Variants in SPMIP11 observed in about 807,000 individuals in gnomAD.
The protein encoded by SPMIP11 is long intergenic non-protein coding RNA 935.
chr12:48,757,448 C>G, the SPMIP11 span, among the ~76,000 whole-genome samples: 3 of 151,174 alleles, frequency 2.0e-5, no homozygotes, highest in Non-Finnish European at 4.4e-5. Context: ...GAGTTGGAGA[C>G]CAGCCTGGCC....
At chr12:48,740,231 C>A in the SPMIP11 span, among the ~76,000 whole-genome samples, 1 of 152,192 alleles carries the variant, frequency 6.6e-6, no homozygotes, top group Non-Finnish European at 1.5e-5. Flanking sequence ...AATTTCTCTA[C>A]ACCCTTTACC....
the SPMIP11 span, among the ~76,000 whole-genome samples, chr12:48,755,587 G>T: frequency 6.6e-6 from 1 of 152,182 alleles, no homozygotes; most frequent in Non-Finnish European, 1.5e-5. Flanking sequence ...AAAAATGGAT[G>T]CAAGGTATAT....
At chr12:48,748,016 CTA>C in the SPMIP11 span, among the ~76,000 whole-genome samples, 1 of 152,174 alleles carries the variant, frequency 6.6e-6, no homozygotes, top group Non-Finnish European at 1.5e-5. Flanking sequence ...TCATATTCCC[CTA>C]GTCACTCTCC....
the SPMIP11 span, chr12:48,767,461 C>T: frequency 1.3e-5 from 2 of 152,886 alleles, no homozygotes; most frequent in Non-Finnish European, 2.9e-5. Flanking sequence ...AGAGAGGCAA[C>T]CTGGGGTGGA....
chr12:48,744,400 T>C, the SPMIP11 span, among the ~76,000 whole-genome samples: 3 of 151,986 alleles, frequency 2.0e-5, no homozygotes, highest in East Asian at 1.9e-4. Context: ...AGTGAGACTC[T>C]GTTTTCCAAA....
the SPMIP11 span, chr12:48,759,239 C>T: frequency 1.1e-5 from 8 of 702,854 alleles, no homozygotes; most frequent in Admixed American, 8.0e-5. Flanking sequence ...ACTAGGCTTC[C>T]CCCCATTATC....
At chr12:48,757,384 A>C in the SPMIP11 span, among the ~76,000 whole-genome samples, 1 of 152,092 alleles carries the variant, frequency 6.6e-6, no homozygotes, top group Admixed American at 6.6e-5. Context: ...GCAGTGCCTC[A>C]CCCCTGTAAT....
At chr12:48,765,918 G>C in the SPMIP11 span, 1 of 452,784 alleles carries the variant, frequency 2.2e-6, no homozygotes, top group Non-Finnish European at 4.0e-6. Context: ...GGTCTGTGAG[G>C]GGCCAAGGCA....
chr12:48,739,510 A>G, the SPMIP11 span, among the ~76,000 whole-genome samples: 1 of 152,140 alleles, frequency 6.6e-6, no homozygotes, highest in Non-Finnish European at 1.5e-5. Context: ...ATTACCTGAG[A>G]CTGAGTAATT....
the SPMIP11 span, among the ~76,000 whole-genome samples, chr12:48,737,894 C>T: frequency 6.6e-6 from 1 of 152,132 alleles, no homozygotes; most frequent in Non-Finnish European, 1.5e-5. Flanking sequence ...ACGATCATGG[C>T]TCATTGCAGC....
At chr12:48,750,163 G>A in the SPMIP11 span, among the ~76,000 whole-genome samples, 1 of 152,022 alleles carries the variant, frequency 6.6e-6, no homozygotes, top group Non-Finnish European at 1.5e-5. Context: ...ACCAGCCTGG[G>A]CAACAGAGTG....
chr12:48,751,986 G>C, the SPMIP11 span, among the ~76,000 whole-genome samples: 1 of 150,002 alleles, frequency 6.7e-6, no homozygotes, highest in Non-Finnish European at 1.5e-5. Flanking sequence ...AGAATCTCTC[G>C]AACCTGGGAG....
chr12:48,760,468 A>C, the SPMIP11 span, among the ~76,000 whole-genome samples: 3 of 152,034 alleles, frequency 2.0e-5, no homozygotes, highest in South Asian at 6.2e-4. Context: ...GTGAGCCACC[A>C]CACCCAGCCC....
the SPMIP11 span, among the ~76,000 whole-genome samples, chr12:48,738,756 G>A: frequency 6.6e-6 from 1 of 152,134 alleles, no homozygotes; most frequent in Middle Eastern, 3.4e-3. Context: ...GCATTTTTAT[G>A]ACTTAGTCTC....
chr12:48,770,005 C>T, the SPMIP11 span, among the ~76,000 whole-genome samples: 2 of 151,932 alleles, frequency 1.3e-5, no homozygotes, highest in Admixed American at 1.3e-4. Context: ...TCGTGATCCG[C>T]CTGCCTCGGA....
the SPMIP11 span, among the ~76,000 whole-genome samples, chr12:48,728,577 G>A: frequency 1.3e-5 from 2 of 152,004 alleles, no homozygotes; most frequent in Non-Finnish European, 1.5e-5. Context: ...GCGTGATGGC[G>A]GGCGCCTGTA....
At chr12:48,728,603 G>A in the SPMIP11 span, among the ~76,000 whole-genome samples, 1 of 151,858 alleles carries the variant, frequency 6.6e-6, no homozygotes, top group Non-Finnish European at 1.5e-5. Context: ...AGCTACTTGG[G>A]AGGCTGAGGC....
the SPMIP11 span, chr12:48,764,758 T>C: frequency 3.1e-6 from 2 of 635,478 alleles, no homozygotes; most frequent in East Asian, 2.7e-5. Flanking sequence ...AAGCAGTTGC[T>C]GGGCTGGGCT....
the SPMIP11 span, chr12:48,768,513 C>T: frequency 6.2e-7 from 1 of 1,606,602 alleles, no homozygotes; most frequent in Non-Finnish European, 8.5e-7. Flanking sequence ...TGCCCCCTGC[C>T]ACAGCTCCAC....
Sources: allele counts gnomAD v4.1 joint callset (sites outside exome capture counted in the v4.1 genomes callset), GRCh38; gene constraint gnomAD v4.1.1; transcripts MANE v1.5; gene names NCBI Gene and HGNC (gene_info 2026-07-23, HGNC 2026-07-21).